Variants in PRKG1 observed in about 807,000 individuals in gnomAD.
PRKG1 encodes the protein cGMP-dependent protein kinase 1.
PRKG1 carries 35 observed loss-of-function variants against 88.1 expected under a neutral mutation model. The ratio of observed to expected loss-of-function variants is 0.40; its 90% confidence interval spans 0.30 to 0.53. The LOEUF (loss-of-function observed/expected upper bound fraction) is 0.53. PRKG1 is among the 20% of genes least tolerant of loss of function. The pLI is 0.59. For missense variants in PRKG1, 540 were observed against 839.8 expected (o/e 0.64, Z 4.41); for synonymous variants, 303 against 292.5 (o/e 1.04, Z -0.37).
intron 2 of PRKG1, among the ~76,000 whole-genome samples, chr10:51,400,219 T>C (rs1272003373): frequency 6.6e-6 from 1 of 152,162 alleles, no homozygotes; most frequent in Non-Finnish European, 1.5e-5. Context: ...ACTGTATTTT[T>C]GTAGGGCAAA....
intron 9 of PRKG1, among the ~76,000 whole-genome samples, chr10:52,209,459 C>A (rs1002766805): frequency 1.8e-4 from 28 of 152,226 alleles, no homozygotes; most frequent in African/African-American, 6.5e-4. Flanking sequence ...TTGTCTATTA[C>A]CAATTCTTTC....
intron 1 of PRKG1, among the ~76,000 whole-genome samples, chr10:51,051,261 CT>C (rs1843556997): frequency 1.3e-5 from 2 of 152,214 alleles, no homozygotes; most frequent in South Asian, 4.1e-4. Flanking sequence ...AGATTTTCCC[CT>C]ATGCTTTCTT....
chr10:51,401,162 C>G (rs1408392257), intron 2 of PRKG1, among the ~76,000 whole-genome samples: 1 of 152,068 alleles, frequency 6.6e-6, no homozygotes, highest in Non-Finnish European at 1.5e-5. Flanking sequence ...ATATTTTAAC[C>G]AGTATATCCA....
intron 2 of PRKG1, among the ~76,000 whole-genome samples, chr10:51,278,020 C>T (rs890535515): frequency 1.3e-5 from 2 of 152,164 alleles, no homozygotes; most frequent in African/African-American, 4.8e-5. Context: ...GAGGGCATCC[C>T]TGTCTTGTGC....
chr10:52,052,095 A>T (rs1056978241), intron 5 of PRKG1, among the ~76,000 whole-genome samples: 7 of 152,206 alleles, frequency 4.6e-5, no homozygotes, highest in Non-Finnish European at 1.0e-4. Context: ...AAATAAATTT[A>T]AAAATTCAGC....
chr10:52,098,421 T>C (rs893749573), intron 7 of PRKG1, among the ~76,000 whole-genome samples: 6 of 152,216 alleles, frequency 3.9e-5, no homozygotes, highest in Non-Finnish European at 7.3e-5. Flanking sequence ...TGAATAGGGT[T>C]GCTTTTACAT....
chr10:51,519,495 G>A (rs1841680914), intron 3 of PRKG1, among the ~76,000 whole-genome samples: 1 of 152,022 alleles, frequency 6.6e-6, no homozygotes, highest in South Asian at 2.1e-4. Flanking sequence ...AAAAAAACAT[G>A]AGGGGGGAAA....
intron 3 of PRKG1, among the ~76,000 whole-genome samples, chr10:51,692,686 G>C (rs1841175606): frequency 6.6e-6 from 1 of 152,118 alleles, no homozygotes; most frequent in Admixed American, 6.5e-5. Context: ...GTGTTGCCCA[G>C]GCTGGTCTTA....
At chr10:51,299,780 T>A in intron 2 of PRKG1, 1 of 342,588 alleles carries the variant, frequency 2.9e-6, no homozygotes, top group Non-Finnish European at 5.5e-6. Flanking sequence ...GTGGCGTAAC[T>A]GCTCTGCAAT....
intron 3 of PRKG1, among the ~76,000 whole-genome samples, chr10:51,655,169 G>T (rs75810235): frequency 0.036 from 5,442 of 152,210 alleles, 135 homozygotes; most frequent in South Asian, 0.1. Flanking sequence ...ATTAGGCAGT[G>T]AGCCTGGAAG....
intron 1 of PRKG1, among the ~76,000 whole-genome samples, chr10:51,127,647 A>G (rs1845464659): frequency 6.6e-6 from 1 of 152,200 alleles, no homozygotes; most frequent in Non-Finnish European, 1.5e-5. Context: ...TACTGTAAAG[A>G]CAAATGCACA....
intron 3 of PRKG1, among the ~76,000 whole-genome samples, chr10:51,702,139 C>A (rs1841484400): frequency 6.6e-6 from 1 of 152,026 alleles, no homozygotes; most frequent in Non-Finnish European, 1.5e-5. Context: ...CTGAAGATAC[C>A]CTGGACATGA....
chr10:52,038,931 A>T (rs1845685786), intron 5 of PRKG1, among the ~76,000 whole-genome samples: 1 of 152,116 alleles, frequency 6.6e-6, no homozygotes, highest in African/African-American at 2.4e-5. Flanking sequence ...ACAGTGAGAG[A>T]GGTTGGAGAA....
rs565055501 is a variant in PRKG1, at chr10:51,680,335, C to G, written c.593-124250C>G. On this transcript the variant is annotated intron_variant, in intron 3 of 17. Transcript: ENST00000373980. ...ACCCCAAAATCTTTGTAAAGGAGGC[C>G]CTTGAGCCCCTTGCTCGGGCCCACT... Among the ~76,000 whole-genome samples, 8 of 152,290 alleles carry G rather than the reference C, an allele frequency of 5.3e-5. No individual in the cohort carries two copies. The South Asian group carries it at 1.2e-3, about 24-fold the overall frequency.
intron 1 of PRKG1, among the ~76,000 whole-genome samples, chr10:51,104,984 C>T (rs1844796042): frequency 6.6e-6 from 1 of 152,102 alleles, no homozygotes; most frequent in African/African-American, 2.4e-5. Flanking sequence ...CCCACCCCAG[C>T]TTCCCAAAGT....
intron 2 of PRKG1, among the ~76,000 whole-genome samples, chr10:51,175,547 A>C (rs1190011594): frequency 6.6e-6 from 1 of 152,106 alleles, no homozygotes; most frequent in Non-Finnish European, 1.5e-5. Context: ...GGAAGATAAA[A>C]ACATAAAACC....
chr10:51,797,723 A>C (rs1839054346), intron 3 of PRKG1, among the ~76,000 whole-genome samples: 1 of 151,494 alleles, frequency 6.6e-6, no homozygotes, highest in Non-Finnish European at 1.5e-5. Context: ...CACATTGTGC[A>C]ACCATCACTA....
At chr10:52,168,181 G>T (rs541156544) in intron 9 of PRKG1, among the ~76,000 whole-genome samples, 1 of 152,142 alleles carries the variant, frequency 6.6e-6, no homozygotes. Flanking sequence ...GTCCAGTGGG[G>T]GACTGAGGCA....
At chr10:51,068,945 A>G (rs1348858854) in intron 1 of PRKG1, among the ~76,000 whole-genome samples, 1 of 151,984 alleles carries the variant, frequency 6.6e-6, no homozygotes. Context: ...CAAAATACAA[A>G]AAACCTAATA....
Sources: gnomAD v4.1 joint callset for allele counts (sites outside exome capture counted in the v4.1 genomes callset) on GRCh38, gnomAD v4.1.1 for gene constraint, MANE v1.5 for transcripts, NCBI Gene and HGNC (gene_info 2026-07-23, HGNC 2026-07-21) for gene names.